KPNA3: variants seen among roughly 807,000 people sequenced by gnomAD.
KPNA3 encodes the protein importin subunit alpha-4.
A neutral mutation model predicts 73.8 loss-of-function variants in KPNA3; 13 were observed. That is an observed-to-expected ratio of 0.18 (90% confidence interval 0.11 to 0.28). The LOEUF (loss-of-function observed/expected upper bound fraction) is 0.28, where lower values mean the gene tolerates loss of function less well. KPNA3 is among the 10% of genes least tolerant of loss of function. The pLI is 1.00. For synonymous variants in KPNA3, 186 were observed against 206.9 expected (o/e 0.90, Z 0.87); for missense variants, 360 against 618.1 (o/e 0.58, Z 4.43).
At chr13:49,707,083 C>G (rs1954215190) in intron 12 of KPNA3, among the ~76,000 whole-genome samples, 1 of 152,178 alleles carries the variant, frequency 6.6e-6, no homozygotes, top group African/African-American at 2.4e-5. Context: ...TACTTAAAAA[C>G]TACTTCTAAT....
chr13:49,714,474 G>A (rs1055582783), intron 10 of KPNA3, among the ~76,000 whole-genome samples: 12 of 152,024 alleles, frequency 7.9e-5, no homozygotes, highest in African/African-American at 2.7e-4. Flanking sequence ...TAATTTACTA[G>A]AACAATAGTT....
At chr13:49,766,359 T>C (rs1412573936) in intron 1 of KPNA3, among the ~76,000 whole-genome samples, 2 of 152,194 alleles carry the variant, frequency 1.3e-5, no homozygotes, top group African/African-American at 2.4e-5. Context: ...CTTAAAAATA[T>C]TTATTTTACA....
chr13:49,722,034 A>G lies in KPNA3; in HGVS notation c.647T>C (p.Phe216Ser). 1.2e-6 allele frequency: 2 copies of G among 1,612,184 alleles called. No homozygotes were observed. The highest frequency in any genetic ancestry group is 1.7e-6 in the Non-Finnish European group (2 of 1,178,784). Residue 216 changes from phenylalanine (F) to serine (S), a missense_variant, in exon 9 of 17, where the codon TTC becomes TCC. Transcript: ENST00000261667. ...AATGACCCATGTGACGTTCCGAAGG[A>G]AGGTGATGGGGATGGAGGGACTGAT... is the stretch of plus-strand genomic sequence containing the variant. ...SFISPSIPITFLRNVTWVIVN... is the reference protein window; with the variant it reads ...SFISPSIPITSLRNVTWVIVN...
intron 1 of KPNA3, among the ~76,000 whole-genome samples, chr13:49,786,318 G>A (rs1245909897): frequency 6.6e-6 from 1 of 152,082 alleles, no homozygotes; most frequent in East Asian, 1.9e-4. Flanking sequence ...TCTCAACAGA[G>A]CCCAAATACT....
intron 8 of KPNA3, 57 bp downstream of exon 8, chr13:49,722,420 C>A (rs1047797090): frequency 1.4e-5 from 16 of 1,161,072 alleles, no homozygotes; most frequent in Non-Finnish European, 2.0e-5. Context: ...ATGGCTATGC[C>A]AATGTAGGAA....
At chr13:49,726,620 G>A (rs1954412119) in intron 6 of KPNA3, among the ~76,000 whole-genome samples, 1 of 152,056 alleles carries the variant, frequency 6.6e-6, no homozygotes, top group African/African-American at 2.4e-5. Flanking sequence ...TATGCAGAAT[G>A]GCTAAAAAAG....
At chr13:49,756,719 T>G (rs1339960811) in intron 1 of KPNA3, among the ~76,000 whole-genome samples, 1 of 152,168 alleles carries the variant, frequency 6.6e-6, no homozygotes, top group Middle Eastern at 3.2e-3. Flanking sequence ...ATTCTAAAAT[T>G]TATACGGAAA....
At chr13:49,785,077 G>A (rs559616425) in intron 1 of KPNA3, among the ~76,000 whole-genome samples, 1 of 152,240 alleles carries the variant, frequency 6.6e-6, no homozygotes, top group Non-Finnish European at 1.5e-5. Context: ...GCACTGGCGA[G>A]GAGGGGCAGG....
chr13:49,721,862 C>T, intron 9 of KPNA3, 93 bp downstream of exon 9: 1 of 782,360 alleles, frequency 1.3e-6, no homozygotes, highest in Non-Finnish European at 1.9e-6. Context: ...GCAATGAAAT[C>T]AGTATATGTA....
At chr13:49,740,810 AC>A (rs1390825285) in intron 2 of KPNA3, among the ~76,000 whole-genome samples, 3 of 151,266 alleles carry the variant, frequency 2.0e-5, no homozygotes, top group East Asian at 3.9e-4. Context: ...AAATCCCTGT[AC>A]CCCCCACCCC....
chr13:49,781,560 C>T (rs903088934), intron 1 of KPNA3, among the ~76,000 whole-genome samples: 3 of 152,220 alleles, frequency 2.0e-5, no homozygotes, highest in Non-Finnish European at 4.4e-5. Flanking sequence ...ATCCCTCACA[C>T]TCAGTAAAGA....
chr13:49,708,769 G>A (rs1954231774), intron 12 of KPNA3, among the ~76,000 whole-genome samples: 1 of 152,108 alleles, frequency 6.6e-6, no homozygotes, highest in South Asian at 2.1e-4. Context: ...AATAAGCCAG[G>A]CATGAAGACT....
Position 49,702,463 on chromosome 13 carries a change from C to A in KPNA3, c.1390G>T (p.Val464Phe). The A allele has an allele frequency of 6.5e-7, 1 of 1,535,760 alleles. No individual in the cohort carries two copies. The highest frequency in any genetic ancestry group is 9.0e-7 in the Non-Finnish European group (1 of 1,116,038). The change falls in exon 16 of 17, where the codon GTT becomes TTT. Residue 464 changes from valine (V) to phenylalanine (F), a missense_variant. Physicochemically the swap from Val to Phe is conservative, Grantham distance 50. Coordinates refer to ENST00000261667, the MANE Select transcript of KPNA3 (RefSeq NM_002267.4). ...EECGGLEKIE[V>F]LQQHENEDIY... ...TCTTCATTTTCATGTTGCTGTAAAA[C>A]TTCAATTTTCTCCAAACCTGGTAAA...
intron 12 of KPNA3, among the ~76,000 whole-genome samples, chr13:49,706,596 A>AAT (rs978890666): frequency 6.6e-6 from 1 of 152,172 alleles, no homozygotes; most frequent in African/African-American, 2.4e-5. Context: ...TCCATTCATT[A>AAT]ATATATAGGC....
chr13:49,699,460 A>G lies in KPNA3; in HGVS notation c.*2340T>C, dbSNP rs1341848016. 1 of 152,578 alleles carries G rather than the reference A, an allele frequency of 6.6e-6. No individual in the cohort carries two copies. Among genetic ancestry groups the G allele is most frequent in the Admixed American group, 6.5e-5 (1 of 15,268 alleles). The allele number at this position is 152,578 out of a possible 1,614,324, so 9.5% of individuals were successfully genotyped here. On this transcript the variant is annotated 3_prime_UTR_variant, in exon 17 of 17. Transcript: ENST00000261667. ...GAGTTTAAAAAAAAATAACAATGCAATTTTTAAACACTGTTTTGAAAACTT... is the reference window on the plus strand; with the variant it reads ...GAGTTTAAAAAAAAATAACAATGCAGTTTTTAAACACTGTTTTGAAAACTT...
At chr13:49,703,219 T>C (rs954765365) in intron 15 of KPNA3, among the ~76,000 whole-genome samples, 7 of 142,764 alleles carry the variant, frequency 4.9e-5, no homozygotes, top group East Asian at 2.1e-4. Context: ...AGTCTCACTC[T>C]GTAGCCAGGG....
intron 7 of KPNA3, 30 bp downstream of exon 7, chr13:49,725,386 A>G (rs200808954): frequency 1.7e-5 from 24 of 1,373,148 alleles, no homozygotes; most frequent in Non-Finnish European, 2.2e-5. Context: ...TTAAAACACA[A>G]AAAGTTCAGA....
rs1954401893 is a variant in KPNA3, at chr13:49,725,585, T to C, written c.384-84A>G. On this transcript the variant is annotated intron_variant, in intron 6 of 16. Coordinates refer to ENST00000261667, the MANE Select transcript of KPNA3 (RefSeq NM_002267.4). ...TCTTAAGACTGATAAGATATGGCTA[T>C]TCTTTGCCTTGTCCTTGAATTTCAC... The C allele has an allele frequency of 6.3e-6, 5 of 794,820 alleles. No homozygotes were observed. The Admixed American group carries it at 7.8e-5, about 12-fold the overall frequency. 49.2% of individuals were successfully genotyped at this position (794,820 alleles called of 1,614,324 possible).
At chr13:49,777,850 A>G (rs1401141402) in intron 1 of KPNA3, among the ~76,000 whole-genome samples, 1 of 152,104 alleles carries the variant, frequency 6.6e-6, no homozygotes, top group African/African-American at 2.4e-5. Flanking sequence ...AAATACTGCA[A>G]TATGAGGAAA....
Sources: allele counts gnomAD v4.1 joint callset (sites outside exome capture counted in the v4.1 genomes callset), GRCh38; gene constraint gnomAD v4.1.1; transcripts MANE v1.5; gene names NCBI Gene and HGNC (gene_info 2026-07-23, HGNC 2026-07-21).